Variants in MYRIP observed in about 807,000 individuals in gnomAD.
The protein encoded by MYRIP is myosin VIIA and Rab interacting protein, also known as rab effector MyRIP.
MYRIP carries 49 observed loss-of-function variants against 98.0 expected under a neutral mutation model. The observed-to-expected ratio is 0.50, with a 90% CI of 0.40 to 0.63. The LOEUF (loss-of-function observed/expected upper bound fraction) is 0.63. Among genes scored for constraint, MYRIP ranks in the 30% least tolerant of loss-of-function variants. The probability of loss-of-function intolerance (pLI) is 0.00; values close to 1 mark genes in which losing one functional copy is unlikely to be tolerated. For synonymous variants in MYRIP, 404 were observed against 409.5 expected, an observed-to-expected ratio of 0.99 and a Z score of 0.16; for missense variants, 1,004 against 1,058.2, an observed-to-expected ratio of 0.95 and a Z score of 0.71.
intron 2 of MYRIP, among the ~76,000 whole-genome samples, chr3:40,018,105 T>G (rs1359234043): frequency 6.6e-6 from 1 of 152,194 alleles, no homozygotes; most frequent in African/African-American, 2.4e-5. Context: ...CCTGTCCCTC[T>G]TTTGGAGGCA....
intron 3 of MYRIP, among the ~76,000 whole-genome samples, chr3:40,143,314 C>T (rs1173136990): frequency 1.3e-5 from 2 of 152,220 alleles, no homozygotes; most frequent in African/African-American, 4.8e-5. Flanking sequence ...TCTCATCTAG[C>T]CTTGCCTGCA....
chr3:40,099,900 T>G, intron 3 of MYRIP: 137 of 790,348 alleles, frequency 1.7e-4, no homozygotes, highest in Middle Eastern at 6.4e-4. Context: ...CAGCTTTAAA[T>G]GAGCTTTGGT....
intron 13 of MYRIP, among the ~76,000 whole-genome samples, chr3:40,246,308 C>G (rs1022953406): frequency 6.6e-6 from 1 of 151,470 alleles, no homozygotes; most frequent in Admixed American, 6.6e-5. Flanking sequence ...TGGGCAGGAG[C>G]GGAAATAGAT....
intron 2 of MYRIP, among the ~76,000 whole-genome samples, chr3:39,907,478 C>G (rs189110474): frequency 1.3e-3 from 195 of 152,228 alleles, no homozygotes; most frequent in Non-Finnish European, 2.3e-3. Flanking sequence ...TGTGACTCTA[C>G]TACCTCTCCC....
rs771963574 is a variant in MYRIP, at chr3:40,182,301, G to C, written c.955G>C (p.Asp319His). Residue 319 changes from aspartate to histidine, a missense_variant, in exon 9 of 17, where the codon GAC becomes CAC. Physicochemically the swap from Asp to His is moderately conservative, Grantham distance 81 (BLOSUM62 -1). This residue lies in a region of MYRIP where 880 missense variants were observed against 907.7 expected (regional missense o/e 0.97). Transcript: ENST00000302541. ...GGAGGCTCCATCGAGGCAGCCAAGG[G>C]ACCAAGGCCAACACCCGAGAGCAGA... ...PVEAPSRQPR[D>H]QGQHPRAESA... 57 of 1,613,906 alleles carry C rather than the reference G, an allele frequency of 3.5e-5. No homozygotes were observed. Among genetic ancestry groups the C allele is most frequent in the Non-Finnish European group, 4.7e-5 (56 of 1,179,990 alleles).
intron 2 of MYRIP, among the ~76,000 whole-genome samples, chr3:39,934,726 T>C (rs6801999): frequency 0.5 from 75,803 of 152,008 alleles, 19,712 homozygotes; most frequent in African/African-American, 0.65. Context: ...TTAATGTTTT[T>C]GTAGATGAGA....
At chr3:40,240,498 G>C (rs1031566169) in intron 12 of MYRIP, among the ~76,000 whole-genome samples, 22 of 152,218 alleles carry the variant, frequency 1.4e-4, no homozygotes, top group African/African-American at 5.3e-4. Flanking sequence ...AGGGGTCAGG[G>C]AGTTCCCTTT....
At chr3:39,886,555 C>G (rs1430954609) in intron 1 of MYRIP, among the ~76,000 whole-genome samples, 1 of 151,700 alleles carries the variant, frequency 6.6e-6, no homozygotes, top group African/African-American at 2.4e-5. Context: ...TCTGATAAAA[C>G]AGATTTTAAA....
intron 3 of MYRIP, among the ~76,000 whole-genome samples, chr3:40,116,345 A>AAC (rs1044509159): frequency 1.3e-5 from 2 of 151,996 alleles, no homozygotes; most frequent in Non-Finnish European, 2.9e-5. Context: ...ATTGCCCCCC[A>AAC]ACACACACAC....
At position 40,258,854 on chromosome 3, in the gene MYRIP, C is replaced by A. The variant is rs769472331; in HGVS notation, c.*688C>A. On this transcript the variant is annotated 3_prime_UTR_variant, in exon 17 of 17. Coordinates refer to ENST00000302541, the MANE Select transcript of MYRIP (RefSeq NM_015460.4). Reference sequence around the variant, plus strand: ...TCACTCATGCCATGCCCAGGGCTATCTGAAACAATGTCTCATTAAGAATTT... The same window carrying A: ...TCACTCATGCCATGCCCAGGGCTATATGAAACAATGTCTCATTAAGAATTT... 1.3e-5 allele frequency: 2 copies of A among 152,334 alleles called. No individual in the cohort carries two copies. Among genetic ancestry groups the A allele is most frequent in the Non-Finnish European group, 2.9e-5 (2 of 68,174 alleles). 9.4% of individuals were successfully genotyped at this position (152,334 alleles called of 1,614,324 possible).
chr3:39,977,452 A>C (rs552362898), intron 2 of MYRIP, among the ~76,000 whole-genome samples: 46 of 152,266 alleles, frequency 3.0e-4, no homozygotes, highest in African/African-American at 1.1e-3. Context: ...TGTTGATATG[A>C]CCAGTGTATT....
intron 2 of MYRIP, among the ~76,000 whole-genome samples, chr3:39,996,000 C>T (rs1946341762): frequency 6.6e-6 from 1 of 152,164 alleles, no homozygotes; most frequent in Non-Finnish European, 1.5e-5. Context: ...TCTGTCACCA[C>T]CAGGCCTGCC....
intron 4 of MYRIP, among the ~76,000 whole-genome samples, chr3:40,152,017 G>A (rs911449605): frequency 2.6e-5 from 4 of 152,126 alleles, no homozygotes; most frequent in African/African-American, 4.8e-5. Context: ...CTTAGACAAC[G>A]GGGAAAATAG....
At chr3:39,818,078 A>G (rs1940980850) in intron 1 of MYRIP, among the ~76,000 whole-genome samples, 1 of 152,158 alleles carries the variant, frequency 6.6e-6, no homozygotes, top group Non-Finnish European at 1.5e-5. Context: ...TGTTTAATCT[A>G]TGTACTGTAA....
intron 2 of MYRIP, among the ~76,000 whole-genome samples, chr3:39,972,426 T>C (rs1945610042): frequency 6.6e-6 from 1 of 152,084 alleles, no homozygotes; most frequent in Non-Finnish European, 1.5e-5. Flanking sequence ...GATTTTAAAG[T>C]ATCAGTGACA....
At chr3:39,845,852 CAAA>C (rs3062461) in intron 1 of MYRIP, among the ~76,000 whole-genome samples, 40 of 96,912 alleles carry the variant, frequency 4.1e-4, no homozygotes, top group African/African-American at 1.2e-3. Flanking sequence ...TTTCCCCTAC[CAAA>C]AAAAAAAAAA....
At chr3:39,932,225 A>G (rs966138620) in intron 2 of MYRIP, among the ~76,000 whole-genome samples, 16 of 152,186 alleles carry the variant, frequency 1.1e-4, no homozygotes, top group African/African-American at 3.9e-4. Flanking sequence ...TTACCTGGTG[A>G]TGGAAAGAGC....
At chr3:40,179,657 T>C (rs997372592) in intron 8 of MYRIP, among the ~76,000 whole-genome samples, 26 of 152,324 alleles carry the variant, frequency 1.7e-4, no homozygotes, top group Non-Finnish European at 2.5e-4. Flanking sequence ...GTCAGCTTCA[T>C]AAGGGCCAGC....
intron 4 of MYRIP, among the ~76,000 whole-genome samples, chr3:40,155,212 A>C (rs532625547): frequency 1.4e-5 from 2 of 144,408 alleles, no homozygotes; most frequent in Non-Finnish European, 3.0e-5. Context: ...TCATTGTTCA[A>C]TTCCCACCTA....
Sources: allele counts gnomAD v4.1 joint callset (sites outside exome capture counted in the v4.1 genomes callset), GRCh38; gene constraint gnomAD v4.1.1; regional missense constraint gnomAD v4.1.1; transcripts MANE v1.5; gene names NCBI Gene and HGNC (gene_info 2026-07-23, HGNC 2026-07-21).